Variants in RABGAP1L observed in about 807,000 individuals in gnomAD.
The protein encoded by RABGAP1L is rab GTPase-activating protein 1-like.
In RABGAP1L, 63 loss-of-function variants were observed where a neutral mutation model predicts 137.7. That is an observed-to-expected ratio of 0.46 (90% CI 0.37 to 0.56). The LOEUF is 0.56. Ranked by LOEUF, RABGAP1L falls within the 20% of genes least tolerant of loss-of-function variation. The pLI is 0.00. For missense variants in RABGAP1L, 1,095 were observed against 1,244.0 expected (o/e 0.88, Z 1.80); for synonymous variants, 431 against 433.7 (o/e 0.99, Z 0.08).
At chr1:174,601,570 A>C (rs996956915) in intron 13 of RABGAP1L, among the ~76,000 whole-genome samples, 2 of 152,098 alleles carry the variant, frequency 1.3e-5, no homozygotes, top group Admixed American at 1.3e-4. Context: ...GGGTGCAGCA[A>C]ACCAACATGG....
At chr1:174,267,378 G>A (rs1016146859) in intron 7 of RABGAP1L, among the ~76,000 whole-genome samples, 1 of 152,198 alleles carries the variant, frequency 6.6e-6, no homozygotes, top group Non-Finnish European at 1.5e-5. Context: ...ATAAATAGCT[G>A]TCTGTGGGAG....
At chr1:174,434,690 G>T (rs1281853061) in intron 13 of RABGAP1L, among the ~76,000 whole-genome samples, 2 of 152,118 alleles carry the variant, frequency 1.3e-5, no homozygotes, top group Admixed American at 6.5e-5. Flanking sequence ...CTCATTGTGG[G>T]TGTATATTGG....
At chr1:174,823,945 G>A (rs1691308334) in intron 19 of RABGAP1L, among the ~76,000 whole-genome samples, 1 of 152,158 alleles carries the variant, frequency 6.6e-6, no homozygotes, top group Non-Finnish European at 1.5e-5. Flanking sequence ...CTTGAGGTCA[G>A]GAATTTGAAA....
At chr1:174,385,209 G>A (rs117933001) in intron 12 of RABGAP1L, among the ~76,000 whole-genome samples, 2 of 152,180 alleles carry the variant, frequency 1.3e-5, no homozygotes, top group Non-Finnish European at 2.9e-5. Context: ...CATGTGATCG[G>A]ATTCTGGATA....
chr1:174,821,541 T>C (rs1691025694), intron 19 of RABGAP1L, among the ~76,000 whole-genome samples: 1 of 152,222 alleles, frequency 6.6e-6, no homozygotes, highest in South Asian at 2.1e-4. Flanking sequence ...AATTTAATTT[T>C]TTTTCTCCGA....
chr1:174,756,915 C>T, intron 18 of RABGAP1L: 2 of 726,248 alleles, frequency 2.8e-6, no homozygotes, highest in South Asian at 1.3e-5. Flanking sequence ...TTGGCATTGG[C>T]ACCACCAGTG....
intron 20 of RABGAP1L, among the ~76,000 whole-genome samples, chr1:174,961,830 A>G (rs1234811757): frequency 7.9e-6 from 1 of 126,684 alleles, no homozygotes; most frequent in Non-Finnish European, 1.6e-5. Context: ...TGGGCAATAG[A>G]GCCAGACTCT....
At chr1:174,646,835 A>G (rs752415145) in intron 14 of RABGAP1L, among the ~76,000 whole-genome samples, 8 of 152,126 alleles carry the variant, frequency 5.3e-5, no homozygotes, top group Admixed American at 2.0e-4. Flanking sequence ...AATTCTTTCT[A>G]TCCATGAGCA....
At chr1:174,931,754 C>A (rs1272328245) in intron 19 of RABGAP1L, among the ~76,000 whole-genome samples, 1 of 151,992 alleles carries the variant, frequency 6.6e-6, no homozygotes, top group Non-Finnish European at 1.5e-5. Flanking sequence ...TATTTTATAC[C>A]AGAGGTCTTT....
At chr1:174,647,578 G>A (rs1357302790) in intron 14 of RABGAP1L, among the ~76,000 whole-genome samples, 1 of 151,952 alleles carries the variant, frequency 6.6e-6, no homozygotes, top group Admixed American at 6.6e-5. Context: ...TGGTGGATAA[G>A]CTTTTTCATT....
At chr1:174,733,677 ATCAG>A (rs1176893283) in intron 17 of RABGAP1L, among the ~76,000 whole-genome samples, 5 of 152,350 alleles carry the variant, frequency 3.3e-5, no homozygotes, top group East Asian at 3.9e-4. Flanking sequence ...CACTGAGGAA[ATCAG>A]TCAGTCCAAA....
At chr1:174,839,048 T>TGC (rs976121350) in intron 19 of RABGAP1L, among the ~76,000 whole-genome samples, 1 of 146,922 alleles carries the variant, frequency 6.8e-6, no homozygotes, top group African/African-American at 2.5e-5. Flanking sequence ...TGTGTGTGTG[T>TGC]GTGTGTGTTG....
chr1:174,686,608 C>T (rs944660768), intron 15 of RABGAP1L, among the ~76,000 whole-genome samples: 1 of 144,588 alleles, frequency 6.9e-6, no homozygotes, highest in Non-Finnish European at 1.5e-5. Context: ...AGCTGAAGTT[C>T]AAGACATGGG....
intron 19 of RABGAP1L, among the ~76,000 whole-genome samples, chr1:174,891,103 A>G (rs567194270): frequency 5.9e-5 from 9 of 152,382 alleles, no homozygotes; most frequent in Non-Finnish European, 8.8e-5. Flanking sequence ...CCAGCAGTGT[A>G]TATCTGTGCC....
At chr1:174,410,222 C>A (rs1488101190) in intron 13 of RABGAP1L, among the ~76,000 whole-genome samples, 1 of 152,152 alleles carries the variant, frequency 6.6e-6, no homozygotes, top group Non-Finnish European at 1.5e-5. Context: ...GACTGGCCGA[C>A]ACTTAGGGAA....
intron 16 of RABGAP1L, 136 bp downstream of exon 16, chr1:174,699,786 G>T (rs1350985621): frequency 1.2e-6 from 1 of 828,028 alleles, no homozygotes; most frequent in Non-Finnish European, 1.8e-6. Context: ...TTTAGTTTCA[G>T]ACCAATATCT....
chr1:174,492,437 C>T (rs1052872771), intron 13 of RABGAP1L, among the ~76,000 whole-genome samples: 1 of 151,410 alleles, frequency 6.6e-6, no homozygotes, highest in Non-Finnish European at 1.5e-5. Context: ...CAACCTCTGC[C>T]TCGCAGATTC....
intron 11 of RABGAP1L, among the ~76,000 whole-genome samples, chr1:174,327,976 TATAC>T (rs1197212991): frequency 1.2e-3 from 36 of 30,692 alleles, no homozygotes; most frequent in African/African-American, 2.9e-3. Context: ...TATATATATA[TATAC>T]ACACACATAT....
At chr1:174,617,955 T>G (rs1012311465) in intron 13 of RABGAP1L, among the ~76,000 whole-genome samples, 20 of 152,310 alleles carry the variant, frequency 1.3e-4, no homozygotes, top group African/African-American at 4.8e-4. Flanking sequence ...AATACTGCAC[T>G]TTTCCAATGG....
Sources: allele counts gnomAD v4.1 joint callset (sites outside exome capture counted in the v4.1 genomes callset), GRCh38; gene constraint gnomAD v4.1.1; transcripts MANE v1.5; gene names NCBI Gene and HGNC (gene_info 2026-07-23, HGNC 2026-07-21).